The following TRPS1 variants were observed in gnomAD, a reference collection of about 807,000 sequenced individuals.
The protein encoded by TRPS1 is zinc finger transcription factor Trps1.
Under a neutral mutation model 101.2 loss-of-function variants are expected in TRPS1, and 6 were observed. That is an observed-to-expected ratio of 0.06 (90% CI 0.03 to 0.12). The LOEUF (loss-of-function observed/expected upper bound fraction) is 0.12. TRPS1 is among the 10% of genes least tolerant of loss of function. The pLI is 1.00. For missense variants in TRPS1, 1,363 were observed against 1,567.0 expected (o/e 0.87, Z 2.20); for synonymous variants, 578 against 589.8 (o/e 0.98, Z 0.29).
chr8:115,526,094 C>T (rs909498979), intron 5 of TRPS1, among the ~76,000 whole-genome samples: 17 of 152,030 alleles, frequency 1.1e-4, no homozygotes, highest in East Asian at 7.7e-4. Context: ...TGATTAAGAA[C>T]GTTCTGGGTC....
At chr8:115,440,571 C>A (rs1242722403) in intron 5 of TRPS1, among the ~76,000 whole-genome samples, 2 of 152,170 alleles carry the variant, frequency 1.3e-5, no homozygotes, top group Non-Finnish European at 2.9e-5. Context: ...ATATCTAACT[C>A]CTAAAAATAT....
chr8:115,604,061 G>T lies in TRPS1; in HGVS notation c.1908C>A (p.Thr636=), dbSNP rs1029558451. The T allele has an allele frequency of 6.2e-7, 1 of 1,614,028 alleles. No homozygotes were observed. The highest frequency in any genetic ancestry group is 1.3e-5 in the African/African-American group (1 of 75,024). Residue 636 remains threonine, a synonymous_variant, in exon 4 of 7, where the codon ACC becomes ACA. Transcript: ENST00000395715. This position sits in a 1 kb window ranked among gnomAD's most constrained non-coding sequence, Gnocchi z 4.1. ...GAAAGAGGAGTACATCTACGTCAGG[G>T]GTGGTGAATGAACACTGATGGCACT... ...KHQCHQCSFT[T]PDVDVLLFHY...
chr8:115,502,909 ACAAC>A (rs1438456514), intron 5 of TRPS1, among the ~76,000 whole-genome samples: 1 of 152,196 alleles, frequency 6.6e-6, no homozygotes, highest in Non-Finnish European at 1.5e-5. Context: ...TTCTTGGTAC[ACAAC>A]CTACTGATAA....
At chr8:115,448,617 T>C (rs1047232799) in intron 5 of TRPS1, among the ~76,000 whole-genome samples, 2 of 152,218 alleles carry the variant, frequency 1.3e-5, no homozygotes, top group Non-Finnish European at 2.9e-5. Context: ...GACAATGCAC[T>C]TGAAATGCAT....
chr8:115,600,287 C>A (rs1225370333), intron 4 of TRPS1, among the ~76,000 whole-genome samples: 2 of 152,116 alleles, frequency 1.3e-5, no homozygotes, highest in Non-Finnish European at 2.9e-5. Flanking sequence ...GTGTTTTCTA[C>A]TGATTTCACA....
At chr8:115,463,921 C>T (rs1814252466) in intron 5 of TRPS1, among the ~76,000 whole-genome samples, 1 of 151,660 alleles carries the variant, frequency 6.6e-6, no homozygotes, top group Non-Finnish European at 1.5e-5. Flanking sequence ...ACTAATATAA[C>T]ACTGAAATAA....
rs774979861 is a variant in TRPS1, at chr8:115,472,468, T to G, written c.2701-54016A>C. The stretch of plus-strand genomic sequence containing the variant: ...TCTTCCTAGGCCTCTGGGCCTGTGA[T>G]GGAGGGGCTGCTGTGAAGGCCTCTG... On this transcript the variant is annotated intron_variant, in intron 5 of 6. Coordinates refer to ENST00000395715, the MANE Select transcript of TRPS1 (RefSeq NM_014112.5). Among the ~76,000 whole-genome samples the G allele has an allele frequency of 1.5e-4, 23 of 152,324 alleles. No homozygotes were observed. In the Middle Eastern group the frequency reaches 0.014, roughly 90 times the overall value.
At chr8:115,479,530 C>T (rs931144216) in intron 5 of TRPS1, among the ~76,000 whole-genome samples, 1 of 152,110 alleles carries the variant, frequency 6.6e-6, no homozygotes, top group East Asian at 1.9e-4. Context: ...CCCTCACCCA[C>T]CAAACAAAAC....
At chr8:115,524,637 G>C (rs920936958) in intron 5 of TRPS1, among the ~76,000 whole-genome samples, 6 of 151,884 alleles carry the variant, frequency 4.0e-5, no homozygotes, top group Admixed American at 6.6e-5. Flanking sequence ...TTATTTCTAA[G>C]AGTAATATCA....
chr8:115,617,701 C>A (rs1274592457), intron 3 of TRPS1, among the ~76,000 whole-genome samples: 1 of 152,182 alleles, frequency 6.6e-6, no homozygotes, highest in Non-Finnish European at 1.5e-5. Context: ...CAAGTATTTG[C>A]TTCCCAATCA....
intron 2 of TRPS1, among the ~76,000 whole-genome samples, chr8:115,622,261 A>G (rs1344630616): frequency 6.6e-6 from 1 of 152,088 alleles, no homozygotes; most frequent in Non-Finnish European, 1.5e-5. Context: ...TGTTATGTCA[A>G]CCTTTTAGGA....
intron 1 of TRPS1, 26 bp from the exon 2 acceptor site, chr8:115,623,784 TTTCC>T: frequency 7.0e-7 from 1 of 1,434,648 alleles, no homozygotes; most frequent in Non-Finnish European, 9.1e-7. Context: ...AAAGAAAAAT[TTTCC>T]TTCCTAAATG....
intron 5 of TRPS1, among the ~76,000 whole-genome samples, chr8:115,436,135 G>A (rs1813447103): frequency 6.6e-6 from 1 of 151,904 alleles, no homozygotes; most frequent in Non-Finnish European, 1.5e-5. Flanking sequence ...TTCTTCAGTT[G>A]TGTGTGGCAG....
At chr8:115,613,036 A>T (rs1257279299) in intron 3 of TRPS1, among the ~76,000 whole-genome samples, 5 of 152,244 alleles carry the variant, frequency 3.3e-5, no homozygotes, top group Non-Finnish European at 7.3e-5. Context: ...TGGTAACTAG[A>T]AGAGCATAAG....
intron 5 of TRPS1, among the ~76,000 whole-genome samples, chr8:115,496,904 C>A (rs1464392673): frequency 6.6e-6 from 1 of 152,164 alleles, no homozygotes. Context: ...CTCTTATACA[C>A]ACATCCTACC....
At chr8:115,615,909 T>A (rs931942932) in intron 3 of TRPS1, among the ~76,000 whole-genome samples, 46 of 152,206 alleles carry the variant, frequency 3.0e-4, no homozygotes, top group African/African-American at 1.1e-3. Context: ...TCATGCTGCA[T>A]CTATGATTTT....
chr8:115,457,267 T>C (rs972603443), intron 5 of TRPS1, among the ~76,000 whole-genome samples: 4 of 152,124 alleles, frequency 2.6e-5, no homozygotes, highest in Non-Finnish European at 5.9e-5. Flanking sequence ...AATAGAATAT[T>C]ATACAGCCTT....
At chr8:115,512,593 G>A (rs1381386806) in intron 5 of TRPS1, among the ~76,000 whole-genome samples, 1 of 150,784 alleles carries the variant, frequency 6.6e-6, no homozygotes, top group African/African-American at 2.4e-5. Flanking sequence ...TAATATTTTT[G>A]GCCGGAAAAT....
chr8:115,415,696 G>T (rs774796593), intron 6 of TRPS1, among the ~76,000 whole-genome samples: 2 of 152,132 alleles, frequency 1.3e-5, no homozygotes, highest in Non-Finnish European at 1.5e-5. Flanking sequence ...TCCACTATGT[G>T]AGGGCACAGA....
Sources: allele counts gnomAD v4.1 joint callset (sites outside exome capture counted in the v4.1 genomes callset), GRCh38; gene constraint gnomAD v4.1.1; non-coding constraint Gnocchi (gnomAD v3.1); transcripts MANE v1.5; gene names NCBI Gene and HGNC (gene_info 2026-07-23, HGNC 2026-07-21).